The following TBCD variants were observed in gnomAD, a reference collection of about 807,000 sequenced individuals.
TBCD encodes tubulin folding cofactor D, also known as tubulin-specific chaperone D.
In TBCD, 105 loss-of-function variants were observed where a neutral mutation model predicts 169.3. That is an observed-to-expected ratio of 0.62 (90% confidence interval 0.53 to 0.73). The LOEUF (loss-of-function observed/expected upper bound fraction) is 0.73. Among genes scored for constraint, TBCD ranks in the 30% least tolerant of loss-of-function variants. TBCD has a pLI of 0.00. For synonymous variants in TBCD, 700 were observed against 643.9 expected (o/e 1.09, Z -1.32); for missense variants, 1,444 against 1,600.1 (o/e 0.90, Z 1.66).
chr17:82,896,477 T>A (rs1309632970), intron 17 of TBCD, among the ~76,000 whole-genome samples: 1 of 109,568 alleles, frequency 9.1e-6, no homozygotes, highest in East Asian at 2.5e-4. Context: ...TTTTTTTTTT[T>A]CCTTTTGAGA....
At chr17:82,761,204 T>TC (rs1371883645) in intron 2 of TBCD, among the ~76,000 whole-genome samples, 2 of 152,186 alleles carry the variant, frequency 1.3e-5, no homozygotes, top group African/African-American at 2.4e-5. Flanking sequence ...CCTCAGGTGA[T>TC]CCACCTGCCT....
intron 13 of TBCD, among the ~76,000 whole-genome samples, chr17:82,863,951 G>A (rs534670507): frequency 2.6e-4 from 40 of 152,320 alleles, no homozygotes; most frequent in Admixed American, 2.5e-3. Flanking sequence ...GCAGTCCGAC[G>A]TGCAGTCAGT....
intron 6 of TBCD, among the ~76,000 whole-genome samples, chr17:82,775,710 G>A (rs1249670830): frequency 7.3e-6 from 1 of 136,226 alleles, no homozygotes; most frequent in African/African-American, 2.8e-5. Context: ...AAACCCACAG[G>A]AAGGGGAACA....
intron 7 of TBCD, among the ~76,000 whole-genome samples, chr17:82,795,224 C>T (rs1246606016): frequency 2.0e-5 from 3 of 152,222 alleles, no homozygotes; most frequent in South Asian, 2.1e-4. Context: ...AGAAACCAGA[C>T]GACGTGTTAG....
At chr17:82,863,932 C>G (rs2056973688) in intron 13 of TBCD, among the ~76,000 whole-genome samples, 1 of 152,220 alleles carries the variant, frequency 6.6e-6, no homozygotes, top group South Asian at 2.1e-4. Flanking sequence ...TTTCAAATGC[C>G]TCACAGCGGC....
chr17:82,929,065 C>G (rs756719202), intron 30 of TBCD, 48 bp from the exon 31 acceptor site: 2 of 1,585,480 alleles, frequency 1.3e-6, no homozygotes, highest in South Asian at 2.2e-5. Context: ...ACCGCCCGCT[C>G]TTAATTTACC....
At chr17:82,866,935 C>T (rs935913321) in intron 13 of TBCD, among the ~76,000 whole-genome samples, 4 of 152,226 alleles carry the variant, frequency 2.6e-5, no homozygotes, top group Admixed American at 2.6e-4. Flanking sequence ...CATCAGTTTT[C>T]CCAGCAGGAA....
chr17:82,791,160 C>T (rs1392007686), intron 7 of TBCD, among the ~76,000 whole-genome samples: 2 of 146,508 alleles, frequency 1.4e-5, no homozygotes, highest in Admixed American at 6.9e-5. Flanking sequence ...GGCGCGATCT[C>T]GGCTCACTGC....
chr17:82,911,197 A>T (rs146190123), intron 22 of TBCD, among the ~76,000 whole-genome samples: 3 of 152,134 alleles, frequency 2.0e-5, no homozygotes, highest in African/African-American at 4.8e-5. Flanking sequence ...CCAGTTTTCT[A>T]CTTGCAGGAG....
At chr17:82,798,054 G>A (rs962346182) in intron 8 of TBCD, among the ~76,000 whole-genome samples, 4 of 138,968 alleles carry the variant, frequency 2.9e-5, no homozygotes, top group African/African-American at 1.1e-4. Context: ...TTGGCTCACT[G>A]CAGCCTCCGC....
intron 13 of TBCD, among the ~76,000 whole-genome samples, chr17:82,820,994 C>T (rs2052370269): frequency 1.3e-5 from 2 of 152,060 alleles, no homozygotes; most frequent in African/African-American, 2.4e-5. Flanking sequence ...CTTGCTCTGT[C>T]GCCCAGGCTG....
chr17:82,836,737 A>C (rs868623281), intron 13 of TBCD, among the ~76,000 whole-genome samples: 2 of 152,110 alleles, frequency 1.3e-5, no homozygotes, highest in East Asian at 1.9e-4. Flanking sequence ...AAACAAAAAA[A>C]CCCACAAAAC....
At chr17:82,803,103 GGT>G (rs1347871917) in intron 9 of TBCD, among the ~76,000 whole-genome samples, 3 of 152,134 alleles carry the variant, frequency 2.0e-5, no homozygotes, top group African/African-American at 4.8e-5. Context: ...TTCTCTTCTT[GGT>G]TGTCTTCTGT....
At position 82,930,443 on chromosome 17, in the gene TBCD, G is replaced by C; in HGVS notation, c.2992-79G>C. Reference sequence around the variant, plus strand: ...GGAGCAGTTCTGCTCTTCAGCAGATGCTTGACCGGCTGTAGCCAAGCCTGA... The same window carrying C: ...GGAGCAGTTCTGCTCTTCAGCAGATCCTTGACCGGCTGTAGCCAAGCCTGA... On this transcript the variant is annotated intron_variant, in intron 32 of 38. Coordinates refer to ENST00000355528, the MANE Select transcript of TBCD (RefSeq NM_005993.5). This position sits in a 1 kb window ranked among gnomAD's most constrained non-coding sequence, Gnocchi z 5.2. 6.4e-7 allele frequency: 1 copy of C among 1,550,690 alleles called. No individual in the cohort carries two copies. Among genetic ancestry groups the C allele is most frequent in the South Asian group, 1.2e-5 (1 of 83,856 alleles).
Position 82,926,426 on chromosome 17 carries a change from C to T in TBCD, c.2406C>T (p.Thr802=). The T allele has an allele frequency of 6.2e-7, 1 of 1,613,978 alleles. No homozygotes were observed. The highest frequency in any genetic ancestry group is 1.3e-5 in the African/African-American group (1 of 75,050). The change falls in exon 28 of 39, where the codon ACC becomes ACT. Residue 802 remains threonine (T), a synonymous_variant. Coordinates refer to ENST00000355528, the MANE Select transcript of TBCD (RefSeq NM_005993.5). The stretch of plus-strand genomic sequence containing the variant: ...TTCTCACAGGTTTAAGAGCAGTTAC[C>T]CACACTTCCCCCGAGGACGTAAGTT... The part of the protein sequence containing the change: ...QQVLTGLRAV[T]HTSPEDVSFA...
rs1405984734 is a variant in TBCD, at chr17:82,903,204, G to A, written c.1731-201G>A. Among the ~76,000 whole-genome samples, 1 of 152,214 alleles carries A rather than the reference G, an allele frequency of 6.6e-6. No individual in the cohort carries two copies. The highest frequency in any genetic ancestry group is 1.5e-5 in the Non-Finnish European group (1 of 68,050). Reference sequence around the variant, plus strand: ...CCCAAGAAGAACCGTGGTTAGCCGTGTGACCTCGCTGTTGTAGACTGTCCT... The same window carrying A: ...CCCAAGAAGAACCGTGGTTAGCCGTATGACCTCGCTGTTGTAGACTGTCCT... On this transcript the variant is annotated intron_variant, in intron 18 of 38. Transcript: ENST00000355528. This position sits in a 1 kb window ranked among gnomAD's most constrained non-coding sequence, Gnocchi z 4.8.
Position 82,781,663 on chromosome 17 carries a change from G to A in TBCD, c.713G>A (p.Arg238His), listed in dbSNP as rs370029470. Residue 238 changes from arginine to histidine, a missense_variant, in exon 7 of 39, where the codon CGT (arginine) becomes CAT (histidine). By Grantham distance (29) the Arg-to-His change is conservative (BLOSUM62 0). Transcript: ENST00000355528. ...FLDWSLCNLA[R>H]SSFQTMQGVI... The stretch of plus-strand genomic sequence containing the variant: ...GACTGGAGCCTGTGCAATCTGGCCC[G>A]TTCCTCCTTCCAGACCATGCAGGGG... 8 of 1,613,782 alleles carry A rather than the reference G, an allele frequency of 5.0e-6. No individual in the cohort carries two copies. The highest frequency in any genetic ancestry group is 4.0e-5 in the African/African-American group (3 of 74,910).
At chr17:82,786,049 A>G (rs1329282166) in intron 7 of TBCD, among the ~76,000 whole-genome samples, 4 of 152,094 alleles carry the variant, frequency 2.6e-5, no homozygotes, top group Admixed American at 1.3e-4. Context: ...GCAGCTCTTC[A>G]GCTTCACGGC....
chr17:82,865,645 C>T (rs1040842313), intron 13 of TBCD: 4 of 656,920 alleles, frequency 6.1e-6, no homozygotes, highest in African/African-American at 5.9e-5. Context: ...AAGTCCAGCA[C>T]GATGCAGTTT....
Sources: gnomAD v4.1 joint callset for allele counts (sites outside exome capture counted in the v4.1 genomes callset) on GRCh38, gnomAD v4.1.1 for gene constraint, Gnocchi (gnomAD v3.1) non-coding constraint, MANE v1.5 for transcripts, NCBI Gene and HGNC (gene_info 2026-07-23, HGNC 2026-07-21) for gene names.